TEX2: variants seen among roughly 807,000 people sequenced by gnomAD.
TEX2 encodes testis-expressed protein 2.
Under a neutral mutation model 106.9 loss-of-function variants are expected in TEX2, and 53 were observed. The ratio of observed to expected loss-of-function variants is 0.50; its 90% confidence interval spans 0.40 to 0.62. The LOEUF (loss-of-function observed/expected upper bound fraction) is 0.62. Among genes scored for constraint, TEX2 ranks in the 20% least tolerant of loss-of-function variants. TEX2 has a pLI of 0.00. For missense variants in TEX2, 1,207 were observed against 1,379.0 expected, an observed-to-expected ratio of 0.88 and a Z score of 1.98; for synonymous variants, 523 against 534.8, an observed-to-expected ratio of 0.98 and a Z score of 0.30.
rs1261227471 is a variant in TEX2, at chr17:64,188,348, G to A, written c.2244C>T (p.Ser748=). ...ACATGATCTCCTCCACACTGCCTTTGCTGCTGCTGCGGCTGTGGGTCAGGT... is the reference window on the plus strand; with the variant it reads ...ACATGATCTCCTCCACACTGCCTTTACTGCTGCTGCGGCTGTGGGTCAGGT... ...SGHLTHSRSS[S]KGSVEEIMSQ... Residue 748 remains serine (S), a synonymous_variant, in exon 5 of 12, where the codon AGC becomes AGT. Transcript: ENST00000584379. The A allele has an allele frequency of 1.2e-6, 2 of 1,614,162 alleles. No homozygotes were observed. The highest frequency in any genetic ancestry group is 1.7e-6 in the Non-Finnish European group (2 of 1,180,016).
At position 64,171,241 on chromosome 17, in the gene TEX2, C is replaced by A. The variant is rs377295413; in HGVS notation, c.2572-42G>T. ...AACAATGAGTGAGACCCATGAGCAA[C>A]CTACAAAACATGCTGTTGCAAGTCA... On this transcript the variant is annotated intron_variant, in intron 6 of 11. Transcript: ENST00000584379. 1,176 of 1,527,642 alleles carry A rather than the reference C, an allele frequency of 7.7e-4. 2 individuals are homozygous for A. The highest frequency in any genetic ancestry group is 1.0e-3 in the Non-Finnish European group (1,139 of 1,103,372). The allele number at this position is 1,527,642 out of a possible 1,614,324, so 94.6% of individuals were successfully genotyped here. A position where few individuals can be genotyped will look rare whatever the true frequency, so the allele number is the denominator to read the frequency against.
At chr17:64,159,575 C>T (rs975634957) in intron 8 of TEX2, among the ~76,000 whole-genome samples, 1 of 152,070 alleles carries the variant, frequency 6.6e-6, no homozygotes, top group Non-Finnish European at 1.5e-5. Context: ...GAACGTGATG[C>T]CTTTATGTCC....
At chr17:64,176,818 G>A (rs1598143045) in intron 6 of TEX2, among the ~76,000 whole-genome samples, 1 of 152,184 alleles carries the variant, frequency 6.6e-6, no homozygotes, top group Non-Finnish European at 1.5e-5. Flanking sequence ...TGGGAAAGAG[G>A]CCTTAAGTAG....
At chr17:64,246,529 C>A (rs1376010170) in intron 1 of TEX2, among the ~76,000 whole-genome samples, 1 of 152,074 alleles carries the variant, frequency 6.6e-6, no homozygotes, top group Admixed American at 6.5e-5. Flanking sequence ...ACAGGCGTGA[C>A]CCACCACGTC....
At chr17:64,262,509 T>A (rs2143551423) in intron 1 of TEX2, among the ~76,000 whole-genome samples, 1 of 152,328 alleles carries the variant, frequency 6.6e-6, no homozygotes, top group East Asian at 1.9e-4. Context: ...GGTTCCACCG[T>A]ATGGTTTCCG....
At chr17:64,238,669 C>A (rs989959000) in intron 1 of TEX2, among the ~76,000 whole-genome samples, 1 of 152,170 alleles carries the variant, frequency 6.6e-6, no homozygotes, top group Non-Finnish European at 1.5e-5. Flanking sequence ...TGTGAGAACT[C>A]ACTCACTATC....
intron 1 of TEX2, among the ~76,000 whole-genome samples, chr17:64,233,345 G>A (rs1352918518): frequency 6.6e-6 from 1 of 152,106 alleles, no homozygotes; most frequent in African/African-American, 2.4e-5. Context: ...AGGCCAAGGT[G>A]GGTGGATCAC....
intron 4 of TEX2, 96 bp downstream of exon 4, chr17:64,193,463 G>GGTTCGTTC: frequency 4.0e-6 from 4 of 993,976 alleles, no homozygotes; most frequent in Non-Finnish European, 5.6e-6. Flanking sequence ...TTCAGGGTGG[G>GGTTCGTTC]CTTCCTTCCT....
intron 1 of TEX2, among the ~76,000 whole-genome samples, chr17:64,261,943 A>T (rs1466180124): frequency 6.6e-6 from 1 of 151,680 alleles, no homozygotes; most frequent in Non-Finnish European, 1.5e-5. Context: ...ACAAACCTAG[A>T]CTCCTCAAAC....
chr17:64,249,471 G>T (rs1343047143), intron 1 of TEX2, among the ~76,000 whole-genome samples: 2 of 152,224 alleles, frequency 1.3e-5, no homozygotes, highest in Non-Finnish European at 2.9e-5. Context: ...TTTAGAAATA[G>T]TGAAATTTGC....
chr17:64,160,729 T>TC (rs2030843976), intron 8 of TEX2, 72 bp downstream of exon 8: 1 of 1,573,294 alleles, frequency 6.4e-7, no homozygotes, highest in African/African-American at 1.4e-5. Context: ...ACATCAAATC[T>TC]GCTTCTCAAA....
intron 2 of TEX2, among the ~76,000 whole-genome samples, chr17:64,206,550 C>CTT (rs60956243): frequency 1.9e-4 from 15 of 77,202 alleles, no homozygotes; most frequent in East Asian, 4.9e-4. Context: ...AGAGGTCTTA[C>CTT]TTTTTTTTTT....
At chr17:64,201,967 A>G (rs1033754378) in intron 2 of TEX2, among the ~76,000 whole-genome samples, 1 of 152,244 alleles carries the variant, frequency 6.6e-6, no homozygotes, top group East Asian at 1.9e-4. Flanking sequence ...CTCACAGCTT[A>G]TAAGTACAGT....
chr17:64,171,276 C>T (rs2031384882), intron 6 of TEX2, 77 bp from the exon 7 acceptor site: 15 of 1,264,522 alleles, frequency 1.2e-5, no homozygotes, highest in South Asian at 2.5e-5. Flanking sequence ...AACATGCTTC[C>T]GGAGAGGATG....
intron 7 of TEX2, among the ~76,000 whole-genome samples, chr17:64,170,822 A>C (rs947471930): frequency 2.0e-5 from 3 of 151,802 alleles, no homozygotes; most frequent in African/African-American, 7.3e-5. Context: ...TTTAGTAGAG[A>C]CGGTGTTTTG....
intron 2 of TEX2, among the ~76,000 whole-genome samples, chr17:64,207,720 T>C (rs2032875444): frequency 1.3e-5 from 2 of 151,892 alleles, no homozygotes; most frequent in African/African-American, 4.8e-5. Flanking sequence ...ATCCTCCACT[T>C]AGTATTTGCC....
intron 8 of TEX2, among the ~76,000 whole-genome samples, chr17:64,158,976 T>C (rs1217283154): frequency 6.6e-6 from 1 of 152,224 alleles, no homozygotes; most frequent in Non-Finnish European, 1.5e-5. Context: ...TTTAGAAATA[T>C]AAGTGAAATA....
chr17:64,179,219 A>G (rs944796261), intron 5 of TEX2, among the ~76,000 whole-genome samples: 1 of 152,220 alleles, frequency 6.6e-6, no homozygotes, highest in African/African-American at 2.4e-5. Context: ...AAGGATTGTA[A>G]AATGCACCAA....
Position 64,166,641 on chromosome 17 carries a change from T to C in TEX2, c.2671+4459A>G, listed in dbSNP as rs141570378. ...AATTTTTAGCCATAAGAAAAAAGAT[T>C]TGGAGAGCATATACCAAAAATGTAC... On this transcript the variant is annotated intron_variant, in intron 7 of 11. Coordinates refer to ENST00000584379, the MANE Select transcript of TEX2 (RefSeq NM_001288732.2). Among the ~76,000 whole-genome samples, 398 of 152,322 alleles carry C rather than the reference T, an allele frequency of 2.6e-3. 1 individual carries two copies. Among genetic ancestry groups the C allele is most frequent in the Non-Finnish European group, 4.1e-3 (276 of 68,018 alleles).
Sources: allele counts gnomAD v4.1 joint callset (sites outside exome capture counted in the v4.1 genomes callset), GRCh38; gene constraint gnomAD v4.1.1; transcripts MANE v1.5; gene names NCBI Gene and HGNC (gene_info 2026-07-23, HGNC 2026-07-21).